The following LMNA variants were observed in gnomAD, a reference collection of about 807,000 sequenced individuals.
LMNA encodes the protein lamin.
In LMNA, 20 loss-of-function variants were observed where a neutral mutation model predicts 70.4. The observed-to-expected ratio is 0.28, with a 90% CI of 0.20 to 0.41. The LOEUF is 0.41. LMNA is among the 10% of genes least tolerant of loss of function. LMNA has a pLI of 1.00. For synonymous variants in LMNA, 339 were observed against 372.8 expected, an observed-to-expected ratio of 0.91 and a Z score of 1.04; for missense variants, 652 against 917.2, an observed-to-expected ratio of 0.71 and a Z score of 3.73.
chr1:156,122,261 G>A (rs934966797), intron 1 of LMNA, among the ~76,000 whole-genome samples: 5 of 152,150 alleles, frequency 3.3e-5, no homozygotes, highest in East Asian at 3.9e-4. Context: ...TGAGCAAATC[G>A]CCTCCCCTTT....
At chr1:156,126,682 C>A in intron 1 of LMNA, 1 of 1,485,886 alleles carries the variant, frequency 6.7e-7, no homozygotes, top group Non-Finnish European at 9.2e-7. Context: ...CTACCTTATT[C>A]TTTTCCTCTC....
intron 3 of LMNA, among the ~76,000 whole-genome samples, chr1:156,093,382 C>T (rs1648785947): frequency 7.0e-6 from 1 of 142,438 alleles, no homozygotes; most frequent in South Asian, 2.3e-4. Context: ...TCTTGGCTTA[C>T]TGCACCCTCT....
chr1:156,132,177 A>C (rs1158301935), intron 2 of LMNA, among the ~76,000 whole-genome samples: 1 of 152,072 alleles, frequency 6.6e-6, no homozygotes, highest in Non-Finnish European at 1.5e-5. Flanking sequence ...ATCTCAAAAA[A>C]AATAAAAAAT....
chr1:156,099,579 C>T (rs1277358239), intron 3 of LMNA, among the ~76,000 whole-genome samples: 2 of 152,112 alleles, frequency 1.3e-5, no homozygotes, highest in South Asian at 2.1e-4. Context: ...TAGAGTAAGA[C>T]ACCATCTCTA....
chr1:156,135,975 G>C lies in LMNA; in HGVS notation c.1011G>C (p.Leu337=), dbSNP rs753179748. The C allele has an allele frequency of 1.2e-6, 2 of 1,613,998 alleles. No individual in the cohort carries two copies. The highest frequency in any genetic ancestry group is 1.3e-5 in the African/African-American group (1 of 74,946). ...LARERDTSRR[L]LAEKEREMAE... Reference sequence around the variant, plus strand: ...GTGAGCGGGACACCAGCCGGCGGCTGCTGGCGGAAAAGGAGCGGGAGATGG... The same window carrying C: ...GTGAGCGGGACACCAGCCGGCGGCTCCTGGCGGAAAAGGAGCGGGAGATGG... The change falls in exon 6 of 12, where the codon CTG becomes CTC. Residue 337 remains leucine (L), a synonymous_variant. Transcript: ENST00000368300. The surrounding 1 kb of genome is among the most constrained non-coding windows in gnomAD (Gnocchi z 4.8).
In LMNA at chr1:156,136,937, A is replaced by G. The variant is rs1159123077; in HGVS notation, c.1397A>G (p.Asn466Ser). ...TCCCGGCAGGACCAGTCCATGGGCAATTGGCAGATCAAGCGCCAGAATGGA... is the reference window on the plus strand; with the variant it reads ...TCCCGGCAGGACCAGTCCATGGGCAGTTGGCAGATCAAGCGCCAGAATGGA... ...NKSNEDQSMG[N>S]WQIKRQNGDD... The change falls in exon 8 of 12, where the codon AAT (asparagine) becomes AGT (serine). Residue 466 changes from asparagine to serine, a missense_variant. By Grantham distance (46) the Asn-to-Ser change is conservative. Transcript: ENST00000368300. The surrounding 1 kb of genome is among the most constrained non-coding windows in gnomAD (Gnocchi z 6.1). 2 of 1,613,892 alleles carry G rather than the reference A, an allele frequency of 1.2e-6. No homozygotes were observed. Among genetic ancestry groups the G allele is most frequent in the African/African-American group, 1.3e-5 (1 of 74,900 alleles).
intron 3 of LMNA, among the ~76,000 whole-genome samples, chr1:156,101,692 T>C (rs569295474): frequency 7.9e-5 from 10 of 126,368 alleles, no homozygotes; most frequent in African/African-American, 3.1e-4. Flanking sequence ...CTATGGTTTA[T>C]AGAGGAGAAA....
Position 156,100,566 on chromosome 1 carries a change from G to A in LMNA, c.-207+9984G>A, listed in dbSNP as rs561847669. Among the ~76,000 whole-genome samples, 12 of 152,212 alleles carry A rather than the reference G, an allele frequency of 7.9e-5. No homozygotes were observed. The East Asian group carries it at 2.3e-3, about 29-fold the overall frequency. Reference sequence around the variant, plus strand: ...CGTGCCCCAGGCTAGGTTGGAGGGAGGCCTGGTTGCAGTGCACACAGGGAG... The same window carrying A: ...CGTGCCCCAGGCTAGGTTGGAGGGAAGCCTGGTTGCAGTGCACACAGGGAG... On this transcript the variant is annotated intron_variant, in intron 3 of 12. Transcript: ENST00000368301.
chr1:156,107,795 G>GT lies in LMNA; in HGVS notation c.-206-6908dup, dbSNP rs111772070. On this transcript the variant is annotated intron_variant, in intron 3 of 12. Coordinates refer to the LMNA transcript ENST00000368301. ...ACAACCTCGTGGAGTTTGGGTTGTT[G>GT]TTTTTTTTTTCTTTTTTTTCTTTTT... 1.4e-3 allele frequency among the ~76,000 whole-genome samples: 202 copies of GT among 147,988 alleles called. 1 individual carries two copies. Among genetic ancestry groups the GT allele is most frequent in the Middle Eastern group, 3.5e-3 (1 of 288 alleles).
chr1:156,094,101 A>G (rs897766515), intron 3 of LMNA, among the ~76,000 whole-genome samples: 2 of 152,134 alleles, frequency 1.3e-5, no homozygotes, highest in Admixed American at 6.6e-5. Context: ...TAGTGTTGCT[A>G]ACTCACTGAC....
Position 156,136,546 on chromosome 1 carries a change from C to A in LMNA, c.1380+110C>A. 1 of 1,145,628 alleles carries A rather than the reference C, an allele frequency of 8.7e-7. No individual in the cohort carries two copies. Among genetic ancestry groups the A allele is most frequent in the Non-Finnish European group, 1.3e-6 (1 of 791,522 alleles). The allele number at this position is 1,145,628 out of a possible 1,614,324, so 71.0% of individuals were successfully genotyped here. A position where few individuals can be genotyped will look rare whatever the true frequency, so the allele number is the denominator to read the frequency against. ...ACATCCTTGCCCTCAGAGGGTGGAC[C>A]AGGGTGAGCCTGTATATCTCCTCCA... On this transcript the variant is annotated intron_variant, in intron 7 of 11. Transcript: ENST00000368300. This position sits in a 1 kb window ranked among gnomAD's most constrained non-coding sequence, Gnocchi z 6.1.
At chr1:156,126,918 G>A (rs2102852787) in intron 1 of LMNA, 2 of 1,596,486 alleles carry the variant, frequency 1.3e-6, no homozygotes, top group Non-Finnish European at 1.7e-6. Flanking sequence ...TCTCCCCTGT[G>A]AGCACTAGAG....
At chr1:156,090,018 C>T (rs982115089) in intron 2 of LMNA, among the ~76,000 whole-genome samples, 3 of 152,114 alleles carry the variant, frequency 2.0e-5, no homozygotes, top group Non-Finnish European at 4.4e-5. Context: ...GGAGGGGCAC[C>T]TGGTGCCAGC....
chr1:156,119,142 G>A (rs373046618), intron 1 of LMNA, among the ~76,000 whole-genome samples: 1 of 148,652 alleles, frequency 6.7e-6, no homozygotes, highest in African/African-American at 2.5e-5. Context: ...TTTTTGAGAC[G>A]GAGTCTTGTT....
chr1:156,135,351 G>T lies in LMNA; in HGVS notation c.936+39G>T. The T allele has an allele frequency of 6.4e-7, 1 of 1,556,312 alleles. No homozygotes were observed. The highest frequency in any genetic ancestry group is 8.7e-7 in the Non-Finnish European group (1 of 1,144,180). On this transcript the variant is annotated intron_variant, in intron 5 of 11. Transcript: ENST00000368300. The surrounding 1 kb of genome is among the most constrained non-coding windows in gnomAD (Gnocchi z 4.8). ...TCACCCCTCTCTCCAGGGGCCTAGA[G>T]TCTGGGCCGGATGCAGGCTGGAAGC...
At chr1:156,114,667 C>G, upstream of LMNA, 1 of 409,650 alleles carries the variant, frequency 2.4e-6, no homozygotes, top group Non-Finnish European at 4.4e-6. Context: ...CTCCTCCCTT[C>G]AGAGGAGGAC....
At chr1:156,114,128 G>A (rs544304355), upstream of LMNA, among the ~76,000 whole-genome samples, 7 of 152,314 alleles carry the variant, frequency 4.6e-5, no homozygotes, top group East Asian at 1.4e-3. Flanking sequence ...TCAGGTTCCA[G>A]AACTTTGCTC....
At chr1:156,085,180 G>C (rs1648430897) in intron 2 of LMNA, among the ~76,000 whole-genome samples, 1 of 152,248 alleles carries the variant, frequency 6.6e-6, no homozygotes, top group Non-Finnish European at 1.5e-5. Context: ...TAGGTGTGTG[G>C]CATGGTGTAC....
chr1:156,094,748 A>G (rs1369168225), intron 3 of LMNA, among the ~76,000 whole-genome samples: 2 of 151,152 alleles, frequency 1.3e-5, no homozygotes, highest in Admixed American at 6.6e-5. Context: ...CCCATTTGTT[A>G]GCACTTAGCT....
Sources: allele counts gnomAD v4.1 joint callset (sites outside exome capture counted in the v4.1 genomes callset), GRCh38; gene constraint gnomAD v4.1.1; non-coding constraint Gnocchi (gnomAD v3.1); transcripts MANE v1.5; gene names NCBI Gene and HGNC (gene_info 2026-07-23, HGNC 2026-07-21).